The following CHN2 variants were observed in gnomAD, a reference collection of about 807,000 sequenced individuals.
CHN2 encodes the protein beta-chimaerin.
A neutral mutation model predicts 56.3 loss-of-function variants in CHN2; 35 were observed. The observed-to-expected ratio is 0.62, with a 90% CI of 0.47 to 0.82. The LOEUF (loss-of-function observed/expected upper bound fraction) is 0.82. Among genes scored for constraint, CHN2 ranks in the 40% least tolerant of loss-of-function variants. CHN2 has a pLI of 0.00. For missense variants in CHN2, 491 were observed against 580.5 expected (o/e 0.85, Z 1.58); for synonymous variants, 210 against 212.8 (o/e 0.99, Z 0.12).
chr7:29,462,686 C>T (rs1265668691), intron 6 of CHN2, among the ~76,000 whole-genome samples: 2 of 152,172 alleles, frequency 1.3e-5, no homozygotes, highest in African/African-American at 4.8e-5. Flanking sequence ...TGCAAAGATG[C>T]CAGTGGACAA....
chr7:29,447,991 G>A (rs1784146552), intron 6 of CHN2, among the ~76,000 whole-genome samples: 1 of 152,180 alleles, frequency 6.6e-6, no homozygotes, highest in South Asian at 2.1e-4. Flanking sequence ...ATTTTTAAGA[G>A]CTTGGCAATT....
intron 2 of CHN2, among the ~76,000 whole-genome samples, chr7:29,152,461 G>T (rs974753675): frequency 5.9e-5 from 9 of 152,074 alleles, no homozygotes; most frequent in African/African-American, 1.7e-4. Context: ...TTTGAAAATG[G>T]AAGTCATAAC....
chr7:29,168,765 A>G lies in CHN2; in HGVS notation c.274+21805A>G, dbSNP rs191297383. 1.8e-4 allele frequency among the ~76,000 whole-genome samples: 27 copies of G among 152,354 alleles called. 1 individual carries two copies. In the East Asian group the frequency reaches 5.2e-3, roughly 29 times the overall value. ...AACTATTTTTCCATTATATTATGCT[A>G]AAAGCACTAGAAGTAATTTAGTTTA... is the stretch of plus-strand genomic sequence containing the variant. On this transcript the variant is annotated intron_variant, in intron 2 of 6. Coordinates refer to the CHN2 transcript ENST00000439384.
chr7:29,451,502 A>G (rs910322238), intron 6 of CHN2, among the ~76,000 whole-genome samples: 1 of 151,952 alleles, frequency 6.6e-6, no homozygotes, highest in African/African-American at 2.4e-5. Context: ...AAAAAATGAC[A>G]TAGTTGATAA....
intron 6 of CHN2, chr7:29,480,065 C>A: frequency 6.5e-7 from 1 of 1,547,320 alleles, no homozygotes; most frequent in Non-Finnish European, 8.7e-7. Context: ...CACAGGGCTT[C>A]CTGGGCTCTG....
chr7:29,337,866 C>T (rs763206159), intron 1 of CHN2, among the ~76,000 whole-genome samples: 1 of 152,046 alleles, frequency 6.6e-6, no homozygotes, highest in Non-Finnish European at 1.5e-5. Flanking sequence ...TAATGCAGTG[C>T]GTGTGATCTT....
At chr7:29,462,234 A>G (rs1430068719) in intron 6 of CHN2, among the ~76,000 whole-genome samples, 2 of 152,224 alleles carry the variant, frequency 1.3e-5, no homozygotes, top group African/African-American at 2.4e-5. Context: ...CCTCAAGGAC[A>G]TTAGCTTTTT....
Position 29,375,190 on chromosome 7 carries a change from C to CTTTTTTTTTTTTTTTT in CHN2, c.144+7216_144+7231dup, listed in dbSNP as rs70980534. On this transcript the variant is annotated intron_variant, in intron 3 of 12. Transcript: ENST00000222792. ...CAAGCATGAGCCACCGTGCTCGGCC[C>CTTTTTTTTTTTTTTTT]TTTTTTTTTTTTTTTTTTTTTTTTT... Among the ~76,000 whole-genome samples the CTTTTTTTTTTTTTTTT allele has an allele frequency of 9.0e-5, 7 of 77,908 alleles. 3 individuals carry two copies. The highest frequency in any genetic ancestry group is 1.4e-4 in the Non-Finnish European group (6 of 43,290). 51.1% of individuals were successfully genotyped at this position (77,908 alleles called of 152,430 possible).
intron 1 of CHN2, among the ~76,000 whole-genome samples, chr7:29,269,300 G>T (rs1239822878): frequency 6.6e-6 from 1 of 152,200 alleles, no homozygotes; most frequent in Non-Finnish European, 1.5e-5. Flanking sequence ...AGAACATGCA[G>T]TATTTGTCTT....
chr7:29,212,807 T>C (rs1785055537), intron 1 of CHN2: 2 of 1,608,378 alleles, frequency 1.2e-6, no homozygotes, highest in South Asian at 2.2e-5. Context: ...TCGGAAGGCC[T>C]CAGCACCTAC....
chr7:29,338,699 C>T (rs1796812574), intron 1 of CHN2, among the ~76,000 whole-genome samples: 1 of 152,176 alleles, frequency 6.6e-6, no homozygotes, highest in South Asian at 2.1e-4. Context: ...ATGCCTCAGC[C>T]TCCTGAGTAG....
chr7:29,262,061 G>A (rs1017754460), intron 1 of CHN2, among the ~76,000 whole-genome samples: 11 of 152,090 alleles, frequency 7.2e-5, no homozygotes, highest in East Asian at 1.9e-4. Context: ...CCAGCTACTC[G>A]GGAGGCTGAG....
chr7:29,502,754 A>T (rs375578185), intron 9 of CHN2, among the ~76,000 whole-genome samples: 3 of 123,718 alleles, frequency 2.4e-5, no homozygotes, highest in African/African-American at 1.1e-4. Flanking sequence ...TTTTTTTTTA[A>T]AAGTGACGGG....
intron 4 of CHN2, among the ~76,000 whole-genome samples, chr7:29,394,504 C>T (rs1206558441): frequency 5.9e-5 from 9 of 152,204 alleles, no homozygotes; most frequent in Admixed American, 5.9e-4. Flanking sequence ...GTCAGAGCCT[C>T]ATCTTCATGA....
chr7:29,173,784 A>C (rs1438076229), intron 2 of CHN2, among the ~76,000 whole-genome samples: 1 of 151,670 alleles, frequency 6.6e-6, no homozygotes, highest in African/African-American at 2.4e-5. Context: ...CAAAAAAAAA[A>C]AAAAAAATTA....
chr7:29,495,844 A>AAAGC, intron 7 of CHN2, 108 bp from the exon 8 acceptor site: 1 of 829,830 alleles, frequency 1.2e-6, no homozygotes, highest in Non-Finnish European at 2.0e-6. Flanking sequence ...ACTGGAAGGA[A>AAAGC]AAGCCCAGTG....
intron 1 of CHN2, among the ~76,000 whole-genome samples, chr7:29,347,828 A>G (rs1261052165): frequency 6.6e-6 from 1 of 152,246 alleles, no homozygotes; most frequent in Admixed American, 6.5e-5. Flanking sequence ...AAAAGAAAAT[A>G]ACATAGATCT....
chr7:29,512,682 T>C lies in CHN2; in HGVS notation c.1354T>C (p.Tyr452His). ...CCTGACCACCCTGCATGATATGCGG[T>C]ACCAAAAGCTGATTGTGCAGATTTT... ...STLTTLHDMR[Y>H]QKLIVQILIE... Residue 452 changes from tyrosine (Y) to histidine (H), a missense_variant, in exon 13 of 13, where the codon TAC becomes CAC. By Grantham distance (83) the Tyr-to-His change is moderately conservative. Transcript: ENST00000222792. 6.2e-7 allele frequency: 1 copy of C among 1,614,200 alleles called. No homozygotes were observed. Among genetic ancestry groups the C allele is most frequent in the Non-Finnish European group, 8.5e-7 (1 of 1,180,022 alleles).
chr7:29,513,460 G>A lies in CHN2; in HGVS notation c.*725G>A, dbSNP rs555769896. 2.6e-5 allele frequency: 4 copies of A among 152,388 alleles called. No individual in the cohort carries two copies. The highest frequency in any genetic ancestry group is 9.6e-5 in the African/African-American group (4 of 41,532). 9.4% of individuals were successfully genotyped at this position (152,388 alleles called of 1,614,324 possible). A position where few individuals can be genotyped will look rare whatever the true frequency, so the allele number is the denominator to read the frequency against. ...TCTGAAATGTCCACACACTTTCTAT[G>A]CATACAAATTTTGTGAATTCCCAAA... On this transcript the variant is annotated 3_prime_UTR_variant, in exon 13 of 13. Coordinates refer to ENST00000222792, the MANE Select transcript of CHN2 (RefSeq NM_004067.4).
Sources: gnomAD v4.1 joint callset for allele counts (sites outside exome capture counted in the v4.1 genomes callset) on GRCh38, gnomAD v4.1.1 for gene constraint, MANE v1.5 for transcripts, NCBI Gene and HGNC (gene_info 2026-07-23, HGNC 2026-07-21) for gene names.